NPLOC4: variants seen among roughly 807,000 people sequenced by gnomAD.
NPLOC4 encodes the protein nuclear protein localization protein 4 homolog.
A neutral mutation model predicts 80.6 loss-of-function variants in NPLOC4; 18 were observed. That is an observed-to-expected ratio of 0.22 (90% CI 0.15 to 0.33). The LOEUF is 0.33. NPLOC4 is among the 10% of genes least tolerant of loss of function. NPLOC4 has a pLI of 1.00. For synonymous variants in NPLOC4, 313 were observed against 301.5 expected (o/e 1.04, Z -0.39); for missense variants, 540 against 786.1 (o/e 0.69, Z 3.74).
chr17:81,559,624 G>GT, intron 16 of NPLOC4, among the ~76,000 whole-genome samples: 1 of 151,948 alleles, frequency 6.6e-6, no homozygotes, highest in Non-Finnish European at 1.5e-5. Context: ...ACCACAGGGA[G>GT]TAACAGGGAG....
intron 8 of NPLOC4, among the ~76,000 whole-genome samples, chr17:81,602,873 C>T (rs1421072601): frequency 6.6e-6 from 1 of 151,544 alleles, no homozygotes; most frequent in East Asian, 1.9e-4. Context: ...GATCTGTCTC[C>T]ACACACACTA....
chr17:81,591,358 C>A (rs2034733784), intron 11 of NPLOC4, among the ~76,000 whole-genome samples: 1 of 147,726 alleles, frequency 6.8e-6, no homozygotes, highest in African/African-American at 2.5e-5. Flanking sequence ...TCGCTTGACC[C>A]CAGGTAGCAG....
intron 3 of NPLOC4, among the ~76,000 whole-genome samples, chr17:81,621,912 A>C (rs1477520149): frequency 6.6e-6 from 1 of 152,204 alleles, no homozygotes; most frequent in Admixed American, 6.5e-5. Context: ...TACATGGACA[A>C]AGACAATAAC....
chr17:81,591,780 C>T (rs776298832), intron 11 of NPLOC4, among the ~76,000 whole-genome samples: 1 of 152,160 alleles, frequency 6.6e-6, no homozygotes, highest in African/African-American at 2.4e-5. Context: ...GAAATCCCTA[C>T]GTGGGAAGGA....
chr17:81,580,560 G>T lies in NPLOC4; in HGVS notation c.1281+8384C>A, dbSNP rs1309985366. Among the ~76,000 whole-genome samples the T allele has an allele frequency of 1.3e-5, 2 of 152,062 alleles. No individual in the cohort carries two copies. Among genetic ancestry groups the T allele is most frequent in the Non-Finnish European group, 2.9e-5 (2 of 68,018 alleles). ...CCCTGCTTATCACTCTCTGTGTGGG[G>T]AACAGGCTGCTGCCTCTGTCTGAAC... On this transcript the variant is annotated intron_variant, in intron 12 of 16. Coordinates refer to ENST00000331134, the MANE Select transcript of NPLOC4 (RefSeq NM_017921.4). The surrounding 1 kb of genome is among the most constrained non-coding windows in gnomAD (Gnocchi z 4.4).
At chr17:81,561,608 G>C (rs1598611863) in intron 16 of NPLOC4, among the ~76,000 whole-genome samples, 1 of 152,096 alleles carries the variant, frequency 6.6e-6, no homozygotes, top group East Asian at 1.9e-4. Flanking sequence ...ATTTTTTTAA[G>C]ACAGGGTATT....
At chr17:81,619,480 G>A (rs1209623225) in intron 3 of NPLOC4, among the ~76,000 whole-genome samples, 3 of 150,556 alleles carry the variant, frequency 2.0e-5, no homozygotes, top group Admixed American at 1.3e-4. Context: ...ACCCGGGGGG[G>A]CAGAGGTTGT....
chr17:81,590,081 C>T (rs2034697270), intron 11 of NPLOC4, among the ~76,000 whole-genome samples: 1 of 152,148 alleles, frequency 6.6e-6, no homozygotes, highest in Admixed American at 6.5e-5. Flanking sequence ...CAAATCCAGT[C>T]ATGGTATTGT....
intron 16 of NPLOC4, among the ~76,000 whole-genome samples, chr17:81,561,495 T>A (rs1182296460): frequency 6.6e-6 from 1 of 152,214 alleles, no homozygotes; most frequent in East Asian, 1.9e-4. Context: ...TATGCCAGTG[T>A]TTTTCTGTGT....
chr17:81,582,457 A>G, intron 12 of NPLOC4, among the ~76,000 whole-genome samples: 1 of 152,306 alleles, frequency 6.6e-6, no homozygotes. Flanking sequence ...GCTGGAGTAC[A>G]GTGGTACAAT....
intron 1 of NPLOC4, among the ~76,000 whole-genome samples, chr17:81,632,389 T>C (rs2035956379): frequency 6.6e-6 from 1 of 151,744 alleles, no homozygotes; most frequent in South Asian, 2.1e-4. Flanking sequence ...CTCGGCTCAC[T>C]GCAACCTCTG....
intron 4 of NPLOC4, among the ~76,000 whole-genome samples, chr17:81,611,721 G>C (rs539476666): frequency 6.6e-6 from 1 of 151,762 alleles, no homozygotes; most frequent in African/African-American, 2.4e-5. Context: ...AGCACTTTGG[G>C]AGGCCGAGGC....
At chr17:81,618,886 T>C (rs1286119697) in intron 3 of NPLOC4, among the ~76,000 whole-genome samples, 2 of 152,200 alleles carry the variant, frequency 1.3e-5, no homozygotes, top group Admixed American at 1.3e-4. Context: ...CTTGGGATCC[T>C]GTTGATCTAT....
At chr17:81,629,353 G>A (rs1015490566) in intron 2 of NPLOC4, among the ~76,000 whole-genome samples, 16 of 151,646 alleles carry the variant, frequency 1.1e-4, no homozygotes, top group African/African-American at 3.1e-4. Context: ...CACCACGCCC[G>A]ACTAATTTTT....
At chr17:81,631,450 T>TACA in intron 1 of NPLOC4, among the ~76,000 whole-genome samples, 1 of 105,832 alleles carries the variant, frequency 9.4e-6, no homozygotes, top group South Asian at 2.9e-4. Context: ...TTTTTTTTTT[T>TACA]TTTTTTTTTT....
intron 1 of NPLOC4, 115 bp from the exon 2 acceptor site, chr17:81,629,920 C>T: frequency 1.3e-6 from 1 of 742,766 alleles, no homozygotes; most frequent in Non-Finnish European, 2.4e-6. Context: ...AAAGCCAAAC[C>T]TCACTCTTCA....
At chr17:81,564,109 C>CACACACACACACAG (rs751782727) in intron 16 of NPLOC4, 35 of 335,022 alleles carry the variant, frequency 1.0e-4, no homozygotes, top group African/African-American at 3.1e-4. Context: ...CACACACACA[C>CACACACACACACAG]ACACACACAA....
chr17:81,603,631 A>G (rs2035124783), intron 8 of NPLOC4, among the ~76,000 whole-genome samples: 1 of 152,168 alleles, frequency 6.6e-6, no homozygotes, highest in Non-Finnish European at 1.5e-5. Context: ...AATTTCTAAC[A>G]TACAGCTAAT....
In NPLOC4 at chr17:81,577,836, C is replaced by T. The variant is rs1470022533; in HGVS notation, c.1282-5748G>A. The stretch of plus-strand genomic sequence containing the variant: ...GCCTCCAAACCTCTCAGTCCCAGCA[C>T]ACCATCCTTGTCCCCAAGGCCACAG... On this transcript the variant is annotated intron_variant, in intron 12 of 16. Transcript: ENST00000331134. This position sits in a 1 kb window ranked among gnomAD's most constrained non-coding sequence, Gnocchi z 4.3. Among the ~76,000 whole-genome samples, 2 of 152,210 alleles carry T rather than the reference C, an allele frequency of 1.3e-5. No homozygotes were observed. Among genetic ancestry groups the T allele is most frequent in the Non-Finnish European group, 2.9e-5 (2 of 68,036 alleles).
Sources: allele counts gnomAD v4.1 joint callset (sites outside exome capture counted in the v4.1 genomes callset), GRCh38; gene constraint gnomAD v4.1.1; non-coding constraint Gnocchi (gnomAD v3.1); transcripts MANE v1.5; gene names NCBI Gene and HGNC (gene_info 2026-07-23, HGNC 2026-07-21).